Variants in NHSL2 observed in about 807,000 individuals in gnomAD.
NHSL2 encodes NHS like 2.
Under a neutral mutation model 53.4 loss-of-function variants are expected in NHSL2, and 27 were observed. The observed-to-expected ratio is 0.51, with a 90% confidence interval of 0.37 to 0.70. The LOEUF (loss-of-function observed/expected upper bound fraction) is 0.70, where lower values mean the gene tolerates loss of function less well. Among genes scored for constraint, NHSL2 ranks in the 30% least tolerant of loss-of-function variants. The probability of loss-of-function intolerance (pLI) is 0.00; values close to 1 mark genes in which losing one functional copy is unlikely to be tolerated. For synonymous variants in NHSL2, 408 were observed against 404.1 expected (o/e 1.01, Z -0.12); for missense variants, 892 against 980.1 (o/e 0.91, Z 1.20).
rs1396048507 is a variant in NHSL2 at position 72,144,816 on chromosome X, A to C, written c.*1242A>C. ...TCAATTAACCTTGCTGGGGGAGAGC[A>C]TAAGAACCTGGGTAAATGGCATACT... On this transcript the variant is annotated 3_prime_UTR_variant, in exon 8 of 8. Coordinates refer to ENST00000633930, the MANE Select transcript of NHSL2 (RefSeq NM_001013627.3). 5.7e-6 allele frequency: 1 copy of C among 176,822 alleles called. No homozygotes were observed. Among genetic ancestry groups the C allele is most frequent in the Non-Finnish European group, 1.1e-5 (1 of 94,150 alleles). 14.6% of individuals were successfully genotyped at this position (176,822 alleles called of 1,213,427 possible).
At chrX:72,006,844 C>T (rs1360307546) in intron 1 of NHSL2, among the ~76,000 whole-genome samples, 1 of 112,699 alleles carries the variant, frequency 8.9e-6, no homozygotes, top group Admixed American at 9.3e-5. Flanking sequence ...TGCTCCTAGC[C>T]ATCCAGTTTT....
At chrX:71,975,036 C>G (rs1217992557) in intron 1 of NHSL2, among the ~76,000 whole-genome samples, 2 of 112,318 alleles carry the variant, frequency 1.8e-5, no homozygotes, top group Non-Finnish European at 3.8e-5. Context: ...CTGTTTGTGT[C>G]TTGTTTGTGG....
At chrX:72,034,384 A>G (rs1350407532) in intron 1 of NHSL2, among the ~76,000 whole-genome samples, 2 of 111,774 alleles carry the variant, frequency 1.8e-5, no homozygotes, top group Non-Finnish European at 3.8e-5. Context: ...ATTGGCCTGT[A>G]GTGTTTTTAT....
At chrX:72,059,879 A>G (rs1394583517) in intron 1 of NHSL2, among the ~76,000 whole-genome samples, 1 of 111,891 alleles carries the variant, frequency 8.9e-6, no homozygotes, top group Non-Finnish European at 1.9e-5. Flanking sequence ...TTCTCTAGCA[A>G]CCCCAAACTC....
At chrX:72,123,215 T>C (rs1336889425) in intron 1 of NHSL2, among the ~76,000 whole-genome samples, 1 of 112,290 alleles carries the variant, frequency 8.9e-6, no homozygotes, top group Non-Finnish European at 1.9e-5. Context: ...GCCTCGTATG[T>C]ACAGAAAAGC....
chrX:71,991,818 T>TTCTCTCTCTCTCTC lies in NHSL2; in HGVS notation c.280+80471_280+80484dup, dbSNP rs59851052. ...TATGTCTCTCTGTGTGTCTTTCTCTTTCTCTCTCTCTCTCTCTCTCTCTCT... is the reference window on the plus strand; with the variant it reads ...TATGTCTCTCTGTGTGTCTTTCTCTTTCTCTCTCTCTCTCTCTCTCTCTCTCTCTCTCTCTCTCT... On this transcript the variant is annotated intron_variant, in intron 1 of 7. Coordinates refer to ENST00000633930, the MANE Select transcript of NHSL2 (RefSeq NM_001013627.3). Among the ~76,000 whole-genome samples the TTCTCTCTCTCTCTC allele has an allele frequency of 2.7e-3, 274 of 99,855 alleles. 2 individuals carry two copies. The highest frequency in any genetic ancestry group is 8.5e-3 in the African/African-American group (217 of 25,451). 86.7% of individuals were successfully genotyped at this position (99,855 alleles called of 115,157 possible).
In NHSL2 at chrX:72,145,698, C is replaced by T. The variant is rs1468890784; in HGVS notation, c.*2124C>T. The T allele has an allele frequency of 1.8e-5, 2 of 112,453 alleles. No individual in the cohort carries two copies. The highest frequency in any genetic ancestry group is 3.8e-5 in the Non-Finnish European group (2 of 53,296). 9.3% of individuals were successfully genotyped at this position (112,453 alleles called of 1,213,427 possible). A position where few individuals can be genotyped will look rare whatever the true frequency, so the allele number is the denominator to read the frequency against. ...AAGGACACCAGGGTCTCCTTGGGAA[C>T]CATTATGACTGGTTGAACGTTAAAG... On this transcript the variant is annotated 3_prime_UTR_variant, in exon 8 of 8. Coordinates refer to ENST00000633930, the MANE Select transcript of NHSL2 (RefSeq NM_001013627.3).
intron 4 of NHSL2, among the ~76,000 whole-genome samples, chrX:72,135,926 C>G (rs148762787): frequency 1.8e-5 from 2 of 111,465 alleles, no homozygotes; most frequent in African/African-American, 3.3e-5. Flanking sequence ...GCCCTAGCTA[C>G]TCGGGAGGCT....
At chrX:71,993,916 T>A in intron 1 of NHSL2, among the ~76,000 whole-genome samples, 1 of 111,656 alleles carries the variant, frequency 9.0e-6, no homozygotes, top group South Asian at 3.8e-4. Flanking sequence ...GCAAGCCACA[T>A]TCAGCCTTCT....
At position 72,149,954 on chromosome X, in the gene NHSL2, G is replaced by T. The variant is rs184027418; in HGVS notation, c.*6380G>T. ...TGGTGGGGCCCAGCCTCAATTCCAG[G>T]TCTCCTGCCCTTGGGCCCAATCTGG... On this transcript the variant is annotated 3_prime_UTR_variant, in exon 8 of 8. Transcript: ENST00000633930. 1.5e-4 allele frequency: 17 copies of T among 112,353 alleles called. No homozygotes were observed. In the East Asian group the frequency reaches 4.8e-3, roughly 31 times the overall value. The allele number at this position is 112,353 out of a possible 1,213,427, so 9.3% of individuals were successfully genotyped here.
At chrX:72,135,350 G>A (rs1457532131) in intron 4 of NHSL2, among the ~76,000 whole-genome samples, 1 of 111,808 alleles carries the variant, frequency 8.9e-6, no homozygotes, top group African/African-American at 3.3e-5. Flanking sequence ...CTGTGGCTCT[G>A]GGGGCATGTG....
At position 72,140,654 on chromosome X, in the gene NHSL2, A is replaced by G. The variant is rs1292990423; in HGVS notation, c.3106A>G (p.Ile1036Val). 1 of 1,211,854 alleles carries G rather than the reference A, an allele frequency of 8.3e-7. No individual in the cohort carries two copies. The highest frequency in any genetic ancestry group is 2.2e-5 in the Admixed American group (1 of 46,125). The change falls in exon 6 of 8, where the codon ATC becomes GTC. Residue 1036 changes from isoleucine to valine, a missense_variant. By Grantham distance (29) the Ile-to-Val change is conservative (BLOSUM62 3). Coordinates refer to ENST00000633930, the MANE Select transcript of NHSL2 (RefSeq NM_001013627.3). ...VAEPRLPLSP[I>V]ITLEEDTKCP... Reference sequence around the variant, plus strand: ...AGAACCAAGGCTGCCTCTCAGCCCCATCATCACCCTGGAGGAAGACACCAA... The same window carrying G: ...AGAACCAAGGCTGCCTCTCAGCCCCGTCATCACCCTGGAGGAAGACACCAA...
At position 72,041,496 on chromosome X, in the gene NHSL2, C is replaced by T. The variant is rs897574157; in HGVS notation, c.281-90583C>T. On this transcript the variant is annotated intron_variant, in intron 1 of 7. Transcript: ENST00000633930. ...ATTTCTAAAATGTAAAATATTGTCG[C>T]TTTTCAACATTGACAACGATTTCAC... 6.2e-5 allele frequency among the ~76,000 whole-genome samples: 7 copies of T among 112,415 alleles called. 1 individual carries two copies. In the South Asian group the frequency reaches 2.6e-3, roughly 41 times the overall value.
chrX:72,053,311 G>GTC (rs1200959057), intron 1 of NHSL2, among the ~76,000 whole-genome samples: 5 of 111,218 alleles, frequency 4.5e-5, no homozygotes, highest in Non-Finnish European at 9.4e-5. Flanking sequence ...CAGTTTGCCT[G>GTC]TCTCCATTCT....
chrX:72,097,138 T>C (rs1053303502), intron 1 of NHSL2, among the ~76,000 whole-genome samples: 3 of 112,333 alleles, frequency 2.7e-5, no homozygotes, highest in Non-Finnish European at 3.7e-5. Context: ...GACCAACATA[T>C]GTTCTTTGAA....
intron 1 of NHSL2, among the ~76,000 whole-genome samples, chrX:72,087,821 A>G (rs904533870): frequency 5.5e-5 from 6 of 109,346 alleles, no homozygotes; most frequent in Non-Finnish European, 7.7e-5. Context: ...GCAATGAGCC[A>G]AGATCGCGCC....
Position 72,029,699 on chromosome X carries a change from C to T in NHSL2, c.281-102380C>T, listed in dbSNP as rs73635609. Among the ~76,000 whole-genome samples the T allele has an allele frequency of 2.1e-3, 232 of 112,899 alleles. 1 individual carries two copies. Among genetic ancestry groups the T allele is most frequent in the African/African-American group, 6.8e-3 (212 of 31,151 alleles). On this transcript the variant is annotated intron_variant, in intron 1 of 7. Transcript: ENST00000633930. The stretch of plus-strand genomic sequence containing the variant: ...CCTCAGAGCTCCTGTCATTCCTTTG[C>T]AGAACAAAGCAGCTACTCCAAGCAA...
chrX:71,923,373 T>C (rs1417428619), intron 1 of NHSL2, among the ~76,000 whole-genome samples: 1 of 112,029 alleles, frequency 8.9e-6, no homozygotes. Context: ...AGTCACCCTT[T>C]CTGGGCATAG....
intron 1 of NHSL2, among the ~76,000 whole-genome samples, chrX:71,936,767 AG>A (rs1041956737): frequency 1.8e-5 from 2 of 111,487 alleles, no homozygotes; most frequent in Admixed American, 9.5e-5. Context: ...TTGAACTGGA[AG>A]GAAAAAGAGG....
Sources: allele counts gnomAD v4.1 joint callset (sites outside exome capture counted in the v4.1 genomes callset), GRCh38; gene constraint gnomAD v4.1.1; transcripts MANE v1.5; gene names NCBI Gene and HGNC (gene_info 2026-07-23, HGNC 2026-07-21).